CNTN5: variants seen among roughly 807,000 people sequenced by gnomAD.
The protein encoded by CNTN5 is contactin 5.
CNTN5 carries 77 observed loss-of-function variants against 129.1 expected under a neutral mutation model. The ratio of observed to expected loss-of-function variants is 0.60; its 90% CI spans 0.50 to 0.72. The LOEUF is 0.72. CNTN5 is among the 30% of genes least tolerant of loss of function. CNTN5 has a pLI of 0.00. For missense variants in CNTN5, 1,478 were observed against 1,328.8 expected (o/e 1.11, Z -1.75); for synonymous variants, 509 against 465.6 (o/e 1.09, Z -1.20).
chr11:99,394,571 G>A lies in CNTN5; in HGVS notation c.-71+69087G>A, dbSNP rs182005142. 9.9e-5 allele frequency among the ~76,000 whole-genome samples: 15 copies of A among 151,350 alleles called. No homozygotes were observed. In the East Asian group the frequency reaches 2.7e-3, roughly 27 times the overall value. On this transcript the variant is annotated intron_variant, in intron 2 of 24. Transcript: ENST00000524871. ...TAAAACTTTTATTTTAAGTTCGGGG[G>A]TATAAGTGCAGGTTTGTTACATAGG... is the stretch of plus-strand genomic sequence containing the variant.
At chr11:100,043,044 C>T (rs1190238846) in intron 9 of CNTN5, among the ~76,000 whole-genome samples, 2 of 152,120 alleles carry the variant, frequency 1.3e-5, no homozygotes, top group Non-Finnish European at 2.9e-5. Context: ...TGCTTGTGAG[C>T]AATAACTCTA....
At chr11:99,971,474 C>T (rs566881225) in intron 8 of CNTN5, among the ~76,000 whole-genome samples, 2 of 151,786 alleles carry the variant, frequency 1.3e-5, no homozygotes, top group East Asian at 1.9e-4. Flanking sequence ...ACCCGAGAGG[C>T]GGAGGTTGCA....
At chr11:100,251,328 G>T (rs1026001806) in intron 16 of CNTN5, among the ~76,000 whole-genome samples, 1 of 152,034 alleles carries the variant, frequency 6.6e-6, no homozygotes, top group Non-Finnish European at 1.5e-5. Flanking sequence ...TGTATCCCAG[G>T]ATGTACATAG....
chr11:99,789,829 A>G (rs1251115534), intron 3 of CNTN5, among the ~76,000 whole-genome samples: 1 of 151,944 alleles, frequency 6.6e-6, no homozygotes, highest in Non-Finnish European at 1.5e-5. Context: ...TTACATGGTT[A>G]TATTGCGTGA....
At chr11:99,289,642 C>T (rs761418538) in intron 1 of CNTN5, among the ~76,000 whole-genome samples, 31 of 151,798 alleles carry the variant, frequency 2.0e-4, no homozygotes, top group Non-Finnish European at 3.1e-4. Context: ...AGAGCTTCTA[C>T]CTCCTTTTCC....
At chr11:99,291,946 C>G (rs1398798837) in intron 1 of CNTN5, among the ~76,000 whole-genome samples, 2 of 152,038 alleles carry the variant, frequency 1.3e-5, no homozygotes, top group East Asian at 3.8e-4. Context: ...ATTTTGCAAA[C>G]TGGATTGATG....
At chr11:99,944,114 A>G (rs886987123) in intron 7 of CNTN5, among the ~76,000 whole-genome samples, 17 of 151,828 alleles carry the variant, frequency 1.1e-4, no homozygotes, top group African/African-American at 4.1e-4. Flanking sequence ...TATTCAGTCT[A>G]TGAATTACTT....
At chr11:99,679,197 AATAT>A (rs34768290) in intron 3 of CNTN5, among the ~76,000 whole-genome samples, 2,240 of 146,076 alleles carry the variant, frequency 0.015, 56 homozygotes, top group African/African-American at 0.052. Flanking sequence ...ATATATAGGG[AATAT>A]ATATATATAT....
intron 18 of CNTN5, among the ~76,000 whole-genome samples, chr11:100,286,510 C>A (rs1271499002): frequency 2.8e-4 from 42 of 147,450 alleles, no homozygotes; most frequent in Non-Finnish European, 4.8e-4. Flanking sequence ...ACACCTCACA[C>A]GGCAGGGTAT....
chr11:99,114,910 G>A (rs1857971786), intron 1 of CNTN5, among the ~76,000 whole-genome samples: 1 of 152,116 alleles, frequency 6.6e-6, no homozygotes, highest in African/African-American at 2.4e-5. Context: ...GATGCTATTC[G>A]GAGGTGAGAC....
intron 8 of CNTN5, among the ~76,000 whole-genome samples, chr11:99,968,753 C>G (rs1951168213): frequency 8.6e-6 from 1 of 115,906 alleles, no homozygotes; most frequent in Non-Finnish European, 1.6e-5. Flanking sequence ...GAGACTTTTT[C>G]TTTCTCTAAT....
At chr11:100,186,507 T>G (rs1333263017) in intron 13 of CNTN5, among the ~76,000 whole-genome samples, 4 of 152,138 alleles carry the variant, frequency 2.6e-5, no homozygotes, top group African/African-American at 9.7e-5. Context: ...CTACATGAAC[T>G]GGGCTACTGG....
intron 1 of CNTN5, among the ~76,000 whole-genome samples, chr11:99,245,737 C>T (rs966901273): frequency 6.6e-5 from 10 of 152,164 alleles, no homozygotes; most frequent in African/African-American, 1.9e-4. Context: ...TGTCATCTAA[C>T]GCTGGCATTG....
chr11:100,288,486 A>G (rs1950858200), intron 18 of CNTN5, among the ~76,000 whole-genome samples: 1 of 152,236 alleles, frequency 6.6e-6, no homozygotes, highest in South Asian at 2.1e-4. Context: ...ATGGAAACTG[A>G]ACAACCTGCT....
At chr11:100,001,554 T>G (rs189461867) in intron 8 of CNTN5, among the ~76,000 whole-genome samples, 2 of 152,336 alleles carry the variant, frequency 1.3e-5, no homozygotes, top group East Asian at 3.9e-4. Context: ...GTTGTTTCTC[T>G]CTTTAAGAAT....
intron 1 of CNTN5, among the ~76,000 whole-genome samples, chr11:99,224,998 C>A (rs558519435): frequency 1.2e-4 from 18 of 151,894 alleles, no homozygotes; most frequent in Admixed American, 1.1e-3. Flanking sequence ...CAAAGAGAGA[C>A]GTCTTGAAGT....
At chr11:99,606,418 C>G (rs1220296969) in intron 3 of CNTN5, among the ~76,000 whole-genome samples, 4 of 141,976 alleles carry the variant, frequency 2.8e-5, no homozygotes, top group African/African-American at 1.1e-4. Context: ...TCAAGGAGAA[C>G]TACAAACCAC....
intron 2 of CNTN5, among the ~76,000 whole-genome samples, chr11:99,502,973 T>A (rs1177479649): frequency 6.6e-6 from 1 of 152,190 alleles, no homozygotes; most frequent in Non-Finnish European, 1.5e-5. Context: ...TTATCTTGGG[T>A]TACAATTTCC....
At chr11:100,132,493 T>C (rs981340611) in intron 13 of CNTN5, among the ~76,000 whole-genome samples, 1 of 152,130 alleles carries the variant, frequency 6.6e-6, no homozygotes, top group Admixed American at 6.6e-5. Flanking sequence ...ATTTAAATAA[T>C]GTCTTCTCAA....
Sources: allele counts gnomAD v4.1 joint callset (sites outside exome capture counted in the v4.1 genomes callset), GRCh38; gene constraint gnomAD v4.1.1; transcripts MANE v1.5; gene names NCBI Gene and HGNC (gene_info 2026-07-23, HGNC 2026-07-21).